The following SAMD5 variants were observed in gnomAD, a reference collection of about 807,000 sequenced individuals.
The protein encoded by SAMD5 is sterile alpha motif domain-containing protein 5.
A neutral mutation model predicts 11.3 loss-of-function variants in SAMD5; 13 were observed. That is an observed-to-expected ratio of 1.15 (90% CI 0.75 to 1.83). SAMD5 has a LOEUF of 1.83. Among genes scored for constraint, SAMD5 ranks in the 40% most tolerant of loss-of-function variants. SAMD5 has a pLI of 0.00. For synonymous variants in SAMD5, 129 were observed against 111.3 expected, an observed-to-expected ratio of 1.16 and a Z score of -1.00; for missense variants, 255 against 239.1, an observed-to-expected ratio of 1.07 and a Z score of -0.44.
chr6:147,829,664 C>T, the SAMD5 span, among the ~76,000 whole-genome samples: 2 of 152,018 alleles, frequency 1.3e-5, no homozygotes, highest in Admixed American at 6.6e-5. Context: ...AACAGGGCAA[C>T]ATTTCCCAGT....
At chr6:147,664,553 G>T (rs1790690472) in intron 1 of SAMD5, among the ~76,000 whole-genome samples, 1 of 152,028 alleles carries the variant, frequency 6.6e-6, no homozygotes, top group Non-Finnish European at 1.5e-5. Flanking sequence ...TTGATTGAAG[G>T]ACTCTTTTTT....
At chr6:147,686,188 G>A (rs1442515079) in intron 1 of SAMD5, among the ~76,000 whole-genome samples, 2 of 152,038 alleles carry the variant, frequency 1.3e-5, no homozygotes, top group African/African-American at 4.8e-5. Context: ...TATATTATTG[G>A]AATTAGTATT....
At chr6:147,527,999 C>T (rs1232161468) in intron 1 of SAMD5, among the ~76,000 whole-genome samples, 1 of 151,994 alleles carries the variant, frequency 6.6e-6, no homozygotes, top group East Asian at 1.9e-4. Context: ...GGGGAGGTGC[C>T]ATACACTTTT....
chr6:147,839,468 G>A, the SAMD5 span, among the ~76,000 whole-genome samples: 1 of 152,198 alleles, frequency 6.6e-6, no homozygotes, highest in Admixed American at 6.5e-5. Flanking sequence ...TAAAACTTGG[G>A]CCGGGCGCAA....
At chr6:147,954,444 T>G in the SAMD5 span, among the ~76,000 whole-genome samples, 1 of 152,174 alleles carries the variant, frequency 6.6e-6, no homozygotes, top group Non-Finnish European at 1.5e-5. Context: ...CGGTAGCCAT[T>G]GGAACATTAT....
intron 1 of SAMD5, among the ~76,000 whole-genome samples, chr6:147,666,785 C>T (rs1057386133): frequency 6.6e-6 from 1 of 152,212 alleles, no homozygotes; most frequent in Non-Finnish European, 1.5e-5. Flanking sequence ...GGAAAAAGTC[C>T]ATAGCATCCT....
chr6:147,540,944 T>A (rs796796932), intron 1 of SAMD5, among the ~76,000 whole-genome samples: 2,379 of 138,406 alleles, frequency 0.017, 64 homozygotes, highest in South Asian at 0.077. Flanking sequence ...TTTTTTTTTT[T>A]TTTTTTTTTT....
At position 147,610,740 on chromosome 6, in the gene SAMD5, TGTCTGCAACCTCATGGTTGCAGG is replaced by T. The variant is rs2128449088; in HGVS notation, c.162+101354_162+101376del. ...GAGTGTCTGGCCCTCATTGTTGCAG[TGTCTGCAACCTCATGGTTGCAGG>T]AGGTTTGATCAGGATTTGGGGTTGA... is the stretch of plus-strand genomic sequence containing the variant. On this transcript the variant is annotated intron_variant, in intron 1 of 1. Transcript: ENST00000566741. Among the ~76,000 whole-genome samples the T allele has an allele frequency of 2.0e-5, 3 of 149,646 alleles. No homozygotes were observed. In the South Asian group the frequency reaches 6.3e-4, roughly 31 times the overall value.
intron 1 of SAMD5, among the ~76,000 whole-genome samples, chr6:147,581,840 G>C (rs909877413): frequency 8.5e-5 from 13 of 152,158 alleles, no homozygotes; most frequent in African/African-American, 2.9e-4. Flanking sequence ...TACCTGGTGG[G>C]GCAGGAGGAT....
the SAMD5 span, among the ~76,000 whole-genome samples, chr6:147,912,563 T>C: frequency 2.6e-5 from 4 of 152,236 alleles, no homozygotes; most frequent in African/African-American, 9.6e-5. Context: ...GCAGTCCACC[T>C]TTTAGGAGTT....
intron 1 of SAMD5, among the ~76,000 whole-genome samples, chr6:147,525,029 GTCTCATCACTGTGCAAT>G (rs1452011110): frequency 6.6e-6 from 1 of 151,904 alleles, no homozygotes; most frequent in Non-Finnish European, 1.5e-5. Context: ...GAGCCCGTGG[GTCTCATCACTGTGCAAT>G]TTCTCCAAGA....
intron 1 of SAMD5, among the ~76,000 whole-genome samples, chr6:147,672,630 T>G (rs185621341): frequency 1.3e-4 from 20 of 152,066 alleles, no homozygotes; most frequent in Admixed American, 1.3e-3. Flanking sequence ...TTGAAGAAAA[T>G]CAGTCTCCTT....
the SAMD5 span, among the ~76,000 whole-genome samples, chr6:147,821,850 C>A: frequency 6.6e-6 from 1 of 152,146 alleles, no homozygotes; most frequent in East Asian, 1.9e-4. Context: ...ATTTCCAGCC[C>A]CGGACCCCAT....
the SAMD5 span, among the ~76,000 whole-genome samples, chr6:147,954,419 T>C: frequency 6.6e-6 from 1 of 152,166 alleles, no homozygotes; most frequent in East Asian, 1.9e-4. Flanking sequence ...GAAAATTTCT[T>C]ATCTCCTAGT....
intron 1 of SAMD5, among the ~76,000 whole-genome samples, chr6:147,609,041 A>T (rs888710492): frequency 6.6e-6 from 1 of 152,204 alleles, no homozygotes; most frequent in African/African-American, 2.4e-5. Flanking sequence ...AATGGGTAAG[A>T]GTTACCTTTT....
the SAMD5 span, among the ~76,000 whole-genome samples, chr6:147,909,639 T>TGTCTTTCTTTC: frequency 7.2e-6 from 1 of 138,870 alleles, no homozygotes; most frequent in South Asian, 2.2e-4. Context: ...TTTCTCTTTC[T>TGTCTTTCTTTC]TGTCTTTTGT....
the SAMD5 span, among the ~76,000 whole-genome samples, chr6:147,825,950 C>T: frequency 6.6e-6 from 1 of 152,156 alleles, no homozygotes; most frequent in East Asian, 1.9e-4. Flanking sequence ...CCTGTGTTTC[C>T]TGCTGGGTAA....
chr6:147,876,708 T>C, the SAMD5 span, among the ~76,000 whole-genome samples: 1 of 152,244 alleles, frequency 6.6e-6, no homozygotes, highest in African/African-American at 2.4e-5. Flanking sequence ...AGAATAGTGA[T>C]GTCTTCATTT....
At chr6:147,548,069 C>G (rs1175946234) in intron 1 of SAMD5, among the ~76,000 whole-genome samples, 5 of 151,970 alleles carry the variant, frequency 3.3e-5, no homozygotes, top group Non-Finnish European at 4.4e-5. Flanking sequence ...AAATTAAGAA[C>G]AGCACTCATA....
Sources: gnomAD v4.1 joint callset for allele counts (sites outside exome capture counted in the v4.1 genomes callset) on GRCh38, gnomAD v4.1.1 for gene constraint, MANE v1.5 for transcripts, NCBI Gene and HGNC (gene_info 2026-07-23, HGNC 2026-07-21) for gene names.